SLC25A51: variants seen among roughly 807,000 people sequenced by gnomAD.
The protein encoded by SLC25A51 is mitochondrial nicotinamide adenine dinucleotide transporter SLC25A51.
SLC25A51 carries 11 observed loss-of-function variants against 19.1 expected under a neutral mutation model. The observed-to-expected ratio is 0.58, with a 90% confidence interval of 0.36 to 0.96. The LOEUF is 0.96. Ranked by LOEUF, SLC25A51 falls within the 40% of genes least tolerant of loss-of-function variation. SLC25A51 has a pLI of 0.01. For missense variants in SLC25A51, 201 were observed against 365.4 expected (o/e 0.55, Z 3.67); for synonymous variants, 105 against 133.6 (o/e 0.79, Z 1.47).
intron 2 of SLC25A51, among the ~76,000 whole-genome samples, chr9:37,897,688 T>G (rs1831749281): frequency 6.6e-6 from 1 of 151,396 alleles, no homozygotes; most frequent in Non-Finnish European, 1.5e-5. Flanking sequence ...ATAATTATAG[T>G]TCTTATATTT....
At chr9:37,893,654 T>G (rs768479848) in intron 2 of SLC25A51, among the ~76,000 whole-genome samples, 9 of 152,200 alleles carry the variant, frequency 5.9e-5, no homozygotes, top group Non-Finnish European at 1.2e-4. Context: ...TACTTCCGAT[T>G]TTGGCAGTTA....
chr9:37,891,898 TAAA>T (rs5897706), intron 2 of SLC25A51, among the ~76,000 whole-genome samples: 13 of 113,174 alleles, frequency 1.1e-4, no homozygotes, highest in African/African-American at 4.0e-4. Context: ...ACAACTACTT[TAAA>T]AAAAAAAAAA....
At chr9:37,887,573 TAA>T (rs371359761), downstream of SLC25A51, 5,540 of 1,274,308 alleles carry the variant, frequency 4.3e-3, no homozygotes, top group Admixed American at 4.9e-3. Context: ...GGATTTCCTT[TAA>T]AAAAAAAAAA....
intron 2 of SLC25A51, among the ~76,000 whole-genome samples, chr9:37,892,565 A>G (rs1831616511): frequency 6.6e-6 from 1 of 151,612 alleles, no homozygotes; most frequent in Non-Finnish European, 1.5e-5. Flanking sequence ...CATTATATAT[A>G]TATATTTTTT....
chr9:37,904,024 T>C (rs1279095610), intron 1 of SLC25A51, 44 bp downstream of exon 1: 2 of 152,316 alleles, frequency 1.3e-5, no homozygotes, highest in South Asian at 2.1e-4. Context: ...TCCAACCTCA[T>C]GCGAAGAAAG....
At chr9:37,897,363 A>G (rs1831740773) in intron 2 of SLC25A51, among the ~76,000 whole-genome samples, 1 of 152,078 alleles carries the variant, frequency 6.6e-6, no homozygotes, top group African/African-American at 2.4e-5. Flanking sequence ...CCTGATTATT[A>G]TTATTCATAG....
At chr9:37,882,634 T>A (rs1228105446), downstream of SLC25A51, among the ~76,000 whole-genome samples, 1 of 152,188 alleles carries the variant, frequency 6.6e-6, no homozygotes, top group East Asian at 1.9e-4. Flanking sequence ...TTCGCCACCA[T>A]ATCAAGGTTG....
intron 2 of SLC25A51, among the ~76,000 whole-genome samples, chr9:37,898,908 T>C (rs1429266723): frequency 1.3e-5 from 2 of 152,224 alleles, no homozygotes; most frequent in African/African-American, 4.8e-5. Context: ...CAAATGCTTT[T>C]AGAAAGCTCC....
rs1192996869 is a variant in SLC25A51, at chr9:37,888,650, C to G, written c.-42-58G>C. ...TTTTATAGAGAGCTAAACACATGGG[C>G]TTTCTCCCTAATCCATCCTCTAATA... On this transcript the variant is annotated intron_variant, in intron 2 of 2. Coordinates refer to ENST00000242275, the MANE Select transcript of SLC25A51 (RefSeq NM_033412.4). 5 of 1,331,044 alleles carry G rather than the reference C, an allele frequency of 3.8e-6. No homozygotes were observed. In the African/African-American group the frequency reaches 7.3e-5, roughly 20 times the overall value. 82.5% of individuals were successfully genotyped at this position (1,331,044 alleles called of 1,614,324 possible).
rs114514517 is a variant in SLC25A51 at position 37,889,290 on chromosome 9, C to T, written c.-42-698G>A. 4.8e-3 allele frequency among the ~76,000 whole-genome samples: 730 copies of T among 152,204 alleles called. 9 individuals carry two copies. The highest frequency in any genetic ancestry group is 0.017 in the African/African-American group (702 of 41,524). The stretch of plus-strand genomic sequence containing the variant: ...TATTCATATTTATACTTCTTTGGTA[C>T]CTACTATGAACTAGGTCCTCTGCTA... On this transcript the variant is annotated intron_variant, in intron 2 of 2. Coordinates refer to ENST00000242275, the MANE Select transcript of SLC25A51 (RefSeq NM_033412.4).
chr9:37,897,224 A>AT (rs1169052438), intron 2 of SLC25A51, among the ~76,000 whole-genome samples: 10 of 151,534 alleles, frequency 6.6e-5, no homozygotes, highest in South Asian at 2.1e-4. Context: ...AAATTTTTAA[A>AT]TTTTTTTTCT....
chr9:37,890,612 C>G (rs1162372698), intron 2 of SLC25A51, among the ~76,000 whole-genome samples: 4 of 151,136 alleles, frequency 2.6e-5, no homozygotes, highest in Admixed American at 1.3e-4. Flanking sequence ...AGAAGGACCT[C>G]TTGAGCCCAG....
intron 1 of SLC25A51, 121 bp from the exon 2 acceptor site, chr9:37,900,071 C>G (rs1287352457): frequency 5.0e-5 from 6 of 120,152 alleles, no homozygotes; most frequent in Non-Finnish European, 9.6e-5. Flanking sequence ...CTCCTGGGCT[C>G]AAGTGTTCCT....
downstream of SLC25A51, chr9:37,886,297 G>T (rs878928374): frequency 5.0e-6 from 8 of 1,613,920 alleles, no homozygotes; most frequent in Non-Finnish European, 6.8e-6. Context: ...GGGCCAAGAA[G>T]CTATCAAAGG....
At chr9:37,900,191 A>C (rs904351458) in intron 1 of SLC25A51, among the ~76,000 whole-genome samples, 4 of 151,462 alleles carry the variant, frequency 2.6e-5, no homozygotes, top group Non-Finnish European at 4.4e-5. Context: ...TCACGCCTGT[A>C]ATCCCATCAC....
intron 2 of SLC25A51, among the ~76,000 whole-genome samples, chr9:37,898,027 T>A (rs1831758812): frequency 6.6e-6 from 1 of 152,226 alleles, no homozygotes; most frequent in African/African-American, 2.4e-5. Context: ...AAGACTTCAA[T>A]CTATATTCAT....
chr9:37,892,626 G>A (rs1831618854), intron 2 of SLC25A51, among the ~76,000 whole-genome samples: 1 of 150,248 alleles, frequency 6.7e-6, no homozygotes, highest in African/African-American at 2.4e-5. Flanking sequence ...AGGCTGGAAT[G>A]CAGTAGTGCA....
chr9:37,883,370 TA>T (rs1309260799), downstream of SLC25A51, among the ~76,000 whole-genome samples: 6 of 151,440 alleles, frequency 4.0e-5, no homozygotes, highest in Non-Finnish European at 4.4e-5. Flanking sequence ...GACAAAGAAA[TA>T]AAAAAAAATA....
At chr9:37,896,077 G>A (rs1831708168) in intron 2 of SLC25A51, among the ~76,000 whole-genome samples, 1 of 152,150 alleles carries the variant, frequency 6.6e-6, no homozygotes, top group South Asian at 2.1e-4. Flanking sequence ...GCTTCCCAAA[G>A]TGCTCGGATT....
Sources: gnomAD v4.1 joint callset for allele counts (sites outside exome capture counted in the v4.1 genomes callset) on GRCh38, gnomAD v4.1.1 for gene constraint, MANE v1.5 for transcripts, NCBI Gene and HGNC (gene_info 2026-07-23, HGNC 2026-07-21) for gene names.